The following CHRM5 variants were observed in gnomAD, a reference collection of about 807,000 sequenced individuals.
CHRM5 encodes the protein muscarinic acetylcholine receptor M5.
A neutral mutation model predicts 39.0 loss-of-function variants in CHRM5; 18 were observed. The observed-to-expected ratio is 0.46, with a 90% CI of 0.32 to 0.68. CHRM5 has a LOEUF of 0.68. Ranked by LOEUF, CHRM5 falls within the 30% of genes least tolerant of loss-of-function variation. The pLI is 0.04. For missense variants in CHRM5, 515 were observed against 651.1 expected (o/e 0.79, Z 2.28); for synonymous variants, 241 against 246.3 (o/e 0.98, Z 0.20).
At chr15:34,029,004 T>C (rs12898898) in intron 1 of CHRM5, among the ~76,000 whole-genome samples, 23,152 of 152,176 alleles carry the variant, frequency 0.15, 2,114 homozygotes, top group Middle Eastern at 0.28. Context: ...ATTTACTACC[T>C]TGAAATAACA....
At chr15:34,041,114 T>G (rs1311684780) in intron 1 of CHRM5, among the ~76,000 whole-genome samples, 1 of 152,002 alleles carries the variant, frequency 6.6e-6, no homozygotes, top group African/African-American at 2.4e-5. Context: ...TGGGTAACAT[T>G]TTGTGGCGGT....
At chr15:33,988,718 C>CA (rs879560949) in intron 1 of CHRM5, among the ~76,000 whole-genome samples, 1 of 152,136 alleles carries the variant, frequency 6.6e-6, no homozygotes, top group African/African-American at 2.4e-5. Flanking sequence ...AGAATTATCG[C>CA]AAAATTAAAA....
At chr15:33,980,893 C>T (rs1389092841) in intron 1 of CHRM5, among the ~76,000 whole-genome samples, 2 of 152,168 alleles carry the variant, frequency 1.3e-5, no homozygotes, top group African/African-American at 4.8e-5. Flanking sequence ...CTAAATGTAG[C>T]CTGCCCTAAA....
At chr15:34,031,361 G>A (rs958377492) in intron 1 of CHRM5, among the ~76,000 whole-genome samples, 1 of 151,846 alleles carries the variant, frequency 6.6e-6, no homozygotes, top group African/African-American at 2.4e-5. Context: ...TTCTAATAGC[G>A]ACAGGGTTTC....
At chr15:34,015,114 C>A (rs1897827790) in intron 1 of CHRM5, among the ~76,000 whole-genome samples, 1 of 152,080 alleles carries the variant, frequency 6.6e-6, no homozygotes, top group African/African-American at 2.4e-5. Context: ...TGAGCAACAA[C>A]AAAGGATCAC....
At chr15:34,051,821 G>C (rs1205301069) in intron 2 of CHRM5, among the ~76,000 whole-genome samples, 1 of 151,550 alleles carries the variant, frequency 6.6e-6, no homozygotes, top group Non-Finnish European at 1.5e-5. Context: ...GACCAATAAT[G>C]AGTTCTGAAA....
chr15:34,057,098 C>T (rs1164734153), intron 2 of CHRM5, among the ~76,000 whole-genome samples: 1 of 151,790 alleles, frequency 6.6e-6, no homozygotes, highest in African/African-American at 2.4e-5. Context: ...AATAACCATG[C>T]CTCAGGCTCA....
In CHRM5 at chr15:33,981,005, T is replaced by C. The variant is rs987211760; in HGVS notation, c.-408+11855T>C. Among the ~76,000 whole-genome samples, 5 of 152,290 alleles carry C rather than the reference T, an allele frequency of 3.3e-5. No individual in the cohort carries two copies. In the South Asian group the frequency reaches 1.0e-3, roughly 32 times the overall value. On this transcript the variant is annotated intron_variant, in intron 1 of 2. Coordinates refer to ENST00000383263, the MANE Select transcript of CHRM5 (RefSeq NM_012125.4). ...CTTTCTCACTTTAAAATAGAGATCATCAAATTGAAAAAATGCTGTGACTTG... is the reference window on the plus strand; with the variant it reads ...CTTTCTCACTTTAAAATAGAGATCACCAAATTGAAAAAATGCTGTGACTTG...
chr15:33,999,375 C>T (rs1897054525), intron 1 of CHRM5, among the ~76,000 whole-genome samples: 1 of 152,204 alleles, frequency 6.6e-6, no homozygotes, highest in Admixed American at 6.5e-5. Flanking sequence ...TTAGACTCTA[C>T]ACATACCTTT....
At chr15:34,045,514 A>G (rs1178490718) in intron 1 of CHRM5, among the ~76,000 whole-genome samples, 2 of 152,150 alleles carry the variant, frequency 1.3e-5, no homozygotes, top group Non-Finnish European at 2.9e-5. Flanking sequence ...CTTTAAGCCT[A>G]CTTTGTCTTG....
intron 2 of CHRM5, among the ~76,000 whole-genome samples, chr15:34,062,419 G>T (rs1202927705): frequency 6.6e-6 from 1 of 152,052 alleles, no homozygotes; most frequent in Admixed American, 6.6e-5. Flanking sequence ...GCTGGGCGTG[G>T]TGGTGGGAGC....
intron 1 of CHRM5, among the ~76,000 whole-genome samples, chr15:33,980,908 G>GT (rs1304804375): frequency 1.3e-5 from 2 of 152,066 alleles, no homozygotes; most frequent in Non-Finnish European, 2.9e-5. Context: ...CCTAAAAATC[G>GT]TATCACTAGA....
At chr15:34,034,655 GTGTTGATATTGAAAATA>G (rs1427267994) in intron 1 of CHRM5, among the ~76,000 whole-genome samples, 16 of 152,158 alleles carry the variant, frequency 1.1e-4, no homozygotes, top group African/African-American at 3.1e-4. Flanking sequence ...TCAGTTGTCT[GTGTTGATATTGAAAATA>G]TGTAAGTGAA....
chr15:33,983,237 C>T (rs1197683326), intron 1 of CHRM5, among the ~76,000 whole-genome samples: 2 of 130,096 alleles, frequency 1.5e-5, no homozygotes, highest in Non-Finnish European at 3.1e-5. Flanking sequence ...CACACATACA[C>T]ACACACACAT....
chr15:33,978,257 A>C (rs1056962382), intron 1 of CHRM5, among the ~76,000 whole-genome samples: 1 of 152,206 alleles, frequency 6.6e-6, no homozygotes, highest in East Asian at 1.9e-4. Flanking sequence ...TCCTCTGAAC[A>C]TGTGTGGTAC....
chr15:34,047,340 G>A (rs1899742981), intron 2 of CHRM5, among the ~76,000 whole-genome samples: 1 of 152,190 alleles, frequency 6.6e-6, no homozygotes, highest in Admixed American at 6.5e-5. Context: ...GCCTCCCAAA[G>A]TGCTGGGATT....
At chr15:34,030,788 TTTG>T (rs1299067842) in intron 1 of CHRM5, among the ~76,000 whole-genome samples, 1 of 151,972 alleles carries the variant, frequency 6.6e-6, no homozygotes, top group African/African-American at 2.4e-5. Flanking sequence ...GGCTAAATTT[TTTG>T]TTGTTGTTGT....
At chr15:33,987,418 C>T (rs1167529384) in intron 1 of CHRM5, among the ~76,000 whole-genome samples, 1 of 152,184 alleles carries the variant, frequency 6.6e-6, no homozygotes, top group Admixed American at 6.5e-5. Context: ...GGACAGCCAC[C>T]AGACAGTCTC....
chr15:33,986,957 C>G (rs1356633269), intron 1 of CHRM5, among the ~76,000 whole-genome samples: 1 of 152,062 alleles, frequency 6.6e-6, no homozygotes, highest in Non-Finnish European at 1.5e-5. Context: ...GCGCCCAGCC[C>G]AGGTTCTTTT....
Sources: gnomAD v4.1 joint callset for allele counts (sites outside exome capture counted in the v4.1 genomes callset) on GRCh38, gnomAD v4.1.1 for gene constraint, MANE v1.5 for transcripts, NCBI Gene and HGNC (gene_info 2026-07-23, HGNC 2026-07-21) for gene names.